Variants in MYH15 observed in about 807,000 individuals in gnomAD.
MYH15 encodes the protein myosin-15.
Under a neutral mutation model 240.5 loss-of-function variants are expected in MYH15, and 227 were observed. That is an observed-to-expected ratio of 0.94 (90% CI 0.85 to 1.05). The LOEUF is 1.05. Ranked by LOEUF, MYH15 falls within the 50% of genes least tolerant of loss-of-function variation. MYH15 has a pLI of 0.00. For missense variants in MYH15, 2,217 were observed against 2,247.5 expected (o/e 0.99, Z 0.27); for synonymous variants, 785 against 796.7 (o/e 0.99, Z 0.25).
the MYH15 span, among the ~76,000 whole-genome samples, chr3:108,538,276 T>C: frequency 1.3e-5 from 2 of 152,302 alleles, no homozygotes; most frequent in East Asian, 3.9e-4. Context: ...GAAATCTTTA[T>C]TGTATCTCTT....
chr3:108,427,661 G>GAGAGAGAGAA (rs2082737335), intron 27 of MYH15, among the ~76,000 whole-genome samples: 3 of 151,548 alleles, frequency 2.0e-5, no homozygotes, highest in Non-Finnish European at 4.4e-5. Flanking sequence ...GAGAGAAAGA[G>GAGAGAGAGAA]AGAGAGAGAG....
intron 5 of MYH15, among the ~76,000 whole-genome samples, chr3:108,498,878 T>C (rs2083414453): frequency 6.6e-6 from 1 of 152,228 alleles, no homozygotes; most frequent in Admixed American, 6.5e-5. Flanking sequence ...CACAGCCCCT[T>C]GAGTCTCAGC....
chr3:108,494,665 T>C (rs565967005), intron 7 of MYH15, among the ~76,000 whole-genome samples: 1 of 152,118 alleles, frequency 6.6e-6, no homozygotes, highest in Admixed American at 6.5e-5. Context: ...GGCTAATATT[T>C]TTATTTTTAG....
chr3:108,492,662 T>C (rs899821705), intron 8 of MYH15, 67 bp from the exon 9 acceptor site: 3 of 1,226,834 alleles, frequency 2.4e-6, no homozygotes, highest in Non-Finnish European at 3.5e-6. Flanking sequence ...AGAAAAGTAA[T>C]CAGGCTGAGC....
At chr3:108,473,929 A>G (rs546241159) in intron 12 of MYH15, among the ~76,000 whole-genome samples, 2 of 152,358 alleles carry the variant, frequency 1.3e-5, no homozygotes, top group African/African-American at 4.8e-5. Context: ...CAGGAATCCC[A>G]AACATCTACA....
upstream of MYH15, among the ~76,000 whole-genome samples, chr3:108,511,607 TTCTC>T (rs1487409093): frequency 6.6e-6 from 1 of 152,166 alleles, no homozygotes; most frequent in African/African-American, 2.4e-5. Flanking sequence ...TGAGAAGCTA[TTCTC>T]TCTATTTGGA....
At chr3:108,476,331 C>T in intron 12 of MYH15, 66 bp downstream of exon 12, 11 of 1,010,594 alleles carry the variant, frequency 1.1e-5, no homozygotes, top group Admixed American at 2.0e-5. Context: ...GAAAAATATA[C>T]AGTACAATAT....
rs1279517619 is a variant in MYH15 at position 108,415,221 on chromosome 3, T to C, written c.3949-793A>G. On this transcript the variant is annotated intron_variant, in intron 29 of 40. Coordinates refer to ENST00000693548, the MANE Select transcript of MYH15 (RefSeq NM_014981.3). ...AGATAATCTAGTGTGGAAAGAACAC[T>C]AGATCCTGACGGGTCCTCAAGTGTC... 1.4e-4 allele frequency among the ~76,000 whole-genome samples: 22 copies of C among 152,228 alleles called. 1 individual carries two copies. The South Asian group carries it at 4.2e-3, about 29-fold the overall frequency.
intron 6 of MYH15, among the ~76,000 whole-genome samples, chr3:108,496,196 CAA>C (rs2083387944): frequency 6.6e-6 from 1 of 152,196 alleles, no homozygotes; most frequent in South Asian, 2.1e-4. Context: ...TATTTCCAGA[CAA>C]ACATATCATA....
rs1175811019 is a variant in MYH15 at position 108,428,613 on chromosome 3, TCA to T, written c.3579_3580del (p.Glu1194AlafsTer21). 5 of 1,613,896 alleles carry T rather than the reference TCA, an allele frequency of 3.1e-6. No homozygotes were observed. The African/African-American group carries it at 5.3e-5, about 17-fold the overall frequency. On this transcript the variant is annotated frameshift_variant, in exon 27 of 41. Coordinates refer to ENST00000693548, the MANE Select transcript of MYH15 (RefSeq NM_014981.3). LOFTEE classifies it high-confidence loss of function. ...TAGATTTTCTACCTGGCCCTCGAGCTCAGCCAGGCTGTCTGCATGTCTCTTCT... is the reference window on the plus strand; with the variant it reads ...TAGATTTTCTACCTGGCCCTCGAGCTGCCAGGCTGTCTGCATGTCTCTTCT...
chr3:108,469,905 A>G (rs375445470), intron 14 of MYH15, 137 bp downstream of exon 14: 1 of 781,546 alleles, frequency 1.3e-6, no homozygotes, highest in South Asian at 2.2e-5. Context: ...CACAAACACC[A>G]TTAAGATAAA....
At chr3:108,486,094 T>C (rs755431699) in intron 10 of MYH15, among the ~76,000 whole-genome samples, 3 of 152,182 alleles carry the variant, frequency 2.0e-5, no homozygotes, top group Non-Finnish European at 2.9e-5. Flanking sequence ...TTACAGTCTT[T>C]TGGTAAAAAA....
intron 33 of MYH15, among the ~76,000 whole-genome samples, chr3:108,400,990 T>A (rs574255705): frequency 5.3e-5 from 8 of 152,226 alleles, no homozygotes; most frequent in Non-Finnish European, 1.0e-4. Context: ...CAGAGCCCAA[T>A]GTGAGCACCT....
chr3:108,446,443 T>C (rs2082928972), intron 21 of MYH15, among the ~76,000 whole-genome samples: 1 of 152,212 alleles, frequency 6.6e-6, no homozygotes, highest in Non-Finnish European at 1.5e-5. Context: ...CCAAGCTTAC[T>C]GCTGAAGAGG....
At position 108,425,758 on chromosome 3, in the gene MYH15, A is replaced by G. The variant is rs114734595; in HGVS notation, c.3702+2734T>C. ...CCTATATTCCCATGAATGGAACATTAAGAATCCTTCTGATGAGGACTCACA... is the reference window on the plus strand; with the variant it reads ...CCTATATTCCCATGAATGGAACATTGAGAATCCTTCTGATGAGGACTCACA... On this transcript the variant is annotated intron_variant, in intron 27 of 40. Coordinates refer to ENST00000693548, the MANE Select transcript of MYH15 (RefSeq NM_014981.3). 7.8e-3 allele frequency among the ~76,000 whole-genome samples: 1,183 copies of G among 152,340 alleles called. 13 individuals are homozygous for G. The highest frequency in any genetic ancestry group is 0.022 in the African/African-American group (925 of 41,576).
chr3:108,422,390 G>A (rs1392097451), intron 27 of MYH15, among the ~76,000 whole-genome samples: 5 of 151,958 alleles, frequency 3.3e-5, no homozygotes, highest in East Asian at 1.9e-4. Context: ...GCTAATTTTT[G>A]TATTTTTAGT....
chr3:108,440,889 T>C, intron 23 of MYH15, 129 bp downstream of exon 23: 1 of 1,117,490 alleles, frequency 8.9e-7, no homozygotes, highest in Non-Finnish European at 1.3e-6. Flanking sequence ...CAGTTCTGAC[T>C]CTCAATGCTG....
upstream of MYH15, among the ~76,000 whole-genome samples, chr3:108,515,323 G>A (rs1248103544): frequency 6.6e-6 from 1 of 152,258 alleles, no homozygotes; most frequent in African/African-American, 2.4e-5. Context: ...CCACATGCAC[G>A]CTAATCAGCA....
chr3:108,435,413 T>A (rs2107564691), intron 25 of MYH15, among the ~76,000 whole-genome samples: 1 of 152,254 alleles, frequency 6.6e-6, no homozygotes, highest in South Asian at 2.1e-4. Context: ...TCTCTAGAAC[T>A]TAATCATCTT....
Sources: allele counts gnomAD v4.1 joint callset (sites outside exome capture counted in the v4.1 genomes callset), GRCh38; gene constraint gnomAD v4.1.1; transcripts MANE v1.5; gene names NCBI Gene and HGNC (gene_info 2026-07-23, HGNC 2026-07-21).